Variants in CLU observed in about 807,000 individuals in gnomAD.
The protein encoded by CLU is clusterin, also known as aging-associated protein 4.
CLU carries 25 observed loss-of-function variants against 46.4 expected under a neutral mutation model. The ratio of observed to expected loss-of-function variants is 0.54; its 90% CI spans 0.39 to 0.75. CLU has a LOEUF of 0.75. CLU is among the 30% of genes least tolerant of loss of function. The pLI, the probability that CLU is intolerant of heterozygous loss-of-function variation, is 0.00. For synonymous variants in CLU, 235 were observed against 235.1 expected, an observed-to-expected ratio of 1.00 and a Z score of 0.00; for missense variants, 504 against 592.1, an observed-to-expected ratio of 0.85 and a Z score of 1.54.
Position 27,597,104 on chromosome 8 carries a change from T to C in CLU, c.*1137A>G. 2.2e-6 allele frequency: 1 copy of C among 454,110 alleles called. No individual in the cohort carries two copies. Among genetic ancestry groups the C allele is most frequent in the South Asian group, 1.6e-5 (1 of 64,472 alleles). 28.1% of individuals were successfully genotyped at this position (454,110 alleles called of 1,614,324 possible). On this transcript the variant is annotated 3_prime_UTR_variant, in exon 9 of 9. Transcript: ENST00000316403. Reference sequence around the variant, plus strand: ...ACTTACCTTGGACATAAGCTAAGCTTTAAGTTTGTTGTTTATAACTTCAAA... The same window carrying C: ...ACTTACCTTGGACATAAGCTAAGCTCTAAGTTTGTTGTTTATAACTTCAAA...
At position 27,605,217 on chromosome 8, in the gene CLU, T is replaced by C. The variant is rs759003544; in HGVS notation, c.536A>G (p.His179Arg). Residue 179 changes from histidine (H) to arginine (R), a missense_variant, in exon 5 of 9, where the codon CAC (histidine) becomes CGC (arginine). By Grantham distance (29) the His-to-Arg change is conservative. Coordinates refer to ENST00000316403, the MANE Select transcript of CLU (RefSeq NM_001831.4). ...TATGATGCTGGACGCGCGGCTGAAG[T>C]GGTCCTGCATGACATCCAGCATGTG... is the stretch of plus-strand genomic sequence containing the variant. ...QTHMLDVMQDHFSRASSIIDE... is the reference protein window; with the variant it reads ...QTHMLDVMQDRFSRASSIIDE... 11 of 1,614,176 alleles carry C rather than the reference T, an allele frequency of 6.8e-6. No homozygotes were observed. The highest frequency in any genetic ancestry group is 4.5e-5 in the East Asian group (2 of 44,884).
intron 6 of CLU, among the ~76,000 whole-genome samples, chr8:27,601,587 G>A (rs1019684424): frequency 2.0e-5 from 3 of 152,164 alleles, no homozygotes; most frequent in Non-Finnish European, 2.9e-5. Context: ...TAAAACTACT[G>A]TTTTTCTCCC....
At chr8:27,600,440 G>T (rs779406265) in intron 6 of CLU, among the ~76,000 whole-genome samples, 1 of 152,110 alleles carries the variant, frequency 6.6e-6, no homozygotes, top group African/African-American at 2.4e-5. Flanking sequence ...TCTCTGTGTT[G>T]TCCAGGCTGG....
chr8:27,597,419 T>C lies in CLU; in HGVS notation c.*822A>G, dbSNP rs758263781. On this transcript the variant is annotated 3_prime_UTR_variant, in exon 9 of 9. Coordinates refer to ENST00000316403, the MANE Select transcript of CLU (RefSeq NM_001831.4). ...TCCAGGGAAAGGTATGAAGATCATATAAACCGGCGGTGGACAGGAAATGCC... is the reference window on the plus strand; with the variant it reads ...TCCAGGGAAAGGTATGAAGATCATACAAACCGGCGGTGGACAGGAAATGCC... The C allele has an allele frequency of 1.1e-5, 5 of 454,342 alleles. No individual in the cohort carries two copies. The highest frequency in any genetic ancestry group is 4.7e-5 in the South Asian group (3 of 64,466). The allele number at this position is 454,342 out of a possible 1,614,324, so 28.1% of individuals were successfully genotyped here. A position where few individuals can be genotyped will look rare whatever the true frequency, so the allele number is the denominator to read the frequency against.
rs1177465526 is a variant in CLU at position 27,604,355 on chromosome 8, G to T, written c.870C>A (p.His290Gln). 1 of 1,614,108 alleles carries T rather than the reference G, an allele frequency of 6.2e-7. No individual in the cohort carries two copies. Among genetic ancestry groups the T allele is most frequent in the Non-Finnish European group, 8.5e-7 (1 of 1,180,052 alleles). ...DDRTVCREIRHNSTGCLRMKD... is the reference protein window; with the variant it reads ...DDRTVCREIRQNSTGCLRMKD... ...TCATCCGCAGGCAGCCCGTGGAGTTGTGGCGGATCTCCCGGCACACAGTCC... is the reference window on the plus strand; with the variant it reads ...TCATCCGCAGGCAGCCCGTGGAGTTTTGGCGGATCTCCCGGCACACAGTCC... Residue 290 changes from histidine (H) to glutamine (Q), a missense_variant, in exon 6 of 9, where the codon CAC becomes CAA. Coordinates refer to ENST00000316403, the MANE Select transcript of CLU (RefSeq NM_001831.4).
At chr8:27,601,709 A>G (rs1800724433) in intron 6 of CLU, among the ~76,000 whole-genome samples, 1 of 152,232 alleles carries the variant, frequency 6.6e-6, no homozygotes, top group Admixed American at 6.5e-5. Context: ...AGTAAACAAA[A>G]TGTTAGGTGG....
chr8:27,610,755 A>T (rs774220663), intron 1 of CLU, 155 bp from the exon 2 acceptor site: 7 of 639,180 alleles, frequency 1.1e-5, no homozygotes, highest in Non-Finnish European at 2.0e-5. Flanking sequence ...ATGGGGGGAA[A>T]TGACCAGACT....
intron 1 of CLU, chr8:27,611,483 C>G (rs1237485432): frequency 4.4e-6 from 2 of 456,512 alleles, no homozygotes; most frequent in Non-Finnish European, 8.8e-6. Flanking sequence ...GGCCATAGCC[C>G]CGGTCTTACA....
At chr8:27,604,478 AT>A in intron 5 of CLU, 83 bp from the exon 6 acceptor site, 1 of 1,137,552 alleles carries the variant, frequency 8.8e-7, no homozygotes, top group Non-Finnish European at 1.3e-6. Flanking sequence ...ATTTTTATTT[AT>A]TTTTTAATTT....
chr8:27,609,395 G>A (rs200412336), intron 2 of CLU, among the ~76,000 whole-genome samples: 8 of 148,818 alleles, frequency 5.4e-5, no homozygotes, highest in East Asian at 2.0e-4. Flanking sequence ...ACTTGGCAAG[G>A]AAAAAAAAAA....
At position 27,599,021 on chromosome 8, in the gene CLU, G is replaced by T. The variant is rs1211460903; in HGVS notation, c.1165-386C>A. 1 of 153,938 alleles carries T rather than the reference G, an allele frequency of 6.5e-6. No homozygotes were observed. The highest frequency in any genetic ancestry group is 6.5e-5 in the Admixed American group (1 of 15,430). The allele number at this position is 153,938 out of a possible 1,614,324, so 9.5% of individuals were successfully genotyped here. ...CCAGTACTAGAAATAAGTTTTATTT[G>T]ATTTTTTAACTTTATTTTATTATTT... On this transcript the variant is annotated intron_variant, in intron 7 of 8. Coordinates refer to ENST00000316403, the MANE Select transcript of CLU (RefSeq NM_001831.4). This position sits in a 1 kb window ranked among gnomAD's most constrained non-coding sequence, Gnocchi z 4.0.
At position 27,597,921 on chromosome 8, in the gene CLU, T is replaced by A; in HGVS notation, c.*320A>T. ...GTTTCTACTTATTTTCCATCCCCCC[T>A]GCCTGCCCCCCATAGCAAAATGAAG... On this transcript the variant is annotated 3_prime_UTR_variant, in exon 9 of 9. Transcript: ENST00000316403. 1.7e-6 allele frequency: 1 copy of A among 589,240 alleles called. No individual in the cohort carries two copies. Among genetic ancestry groups the A allele is most frequent in the Non-Finnish European group, 3.2e-6 (1 of 315,860 alleles). 36.5% of individuals were successfully genotyped at this position (589,240 alleles called of 1,614,324 possible).
rs1800788452 is a variant in CLU, at chr8:27,604,927, G to A, written c.826C>T (p.Arg276Ter). ...AFQHPPTEFI[R>*]EGDDDRTVCR... Reference sequence around the variant, plus strand: ...ATGAGCTTCCACCCCTTCTCACCTCGTATGAATTCTGTTGGCGGGTGCTGG... The same window carrying A: ...ATGAGCTTCCACCCCTTCTCACCTCATATGAATTCTGTTGGCGGGTGCTGG... The change falls in exon 5 of 9, where the codon CGA (arginine) becomes TGA (stop). Residue 276 changes from arginine (R) to a stop codon, truncating the protein, a stop_gained. Transcript: ENST00000316403. LOFTEE classifies it high-confidence loss of function. 7 of 1,613,994 alleles carry A rather than the reference G, an allele frequency of 4.3e-6. No individual in the cohort carries two copies. The highest frequency in any genetic ancestry group is 4.5e-5 in the East Asian group (2 of 44,894).
At chr8:27,602,545 G>A (rs1800739746) in intron 6 of CLU, among the ~76,000 whole-genome samples, 1 of 151,218 alleles carries the variant, frequency 6.6e-6, no homozygotes, top group African/African-American at 2.4e-5. Flanking sequence ...AGGCTGCAGT[G>A]AGCTGTAATG....
At chr8:27,607,800 C>T (rs554061547) in intron 3 of CLU, among the ~76,000 whole-genome samples, 1 of 151,850 alleles carries the variant, frequency 6.6e-6, no homozygotes, top group African/African-American at 2.4e-5. Flanking sequence ...GGTCTTTGTC[C>T]TGCTCCATCA....
chr8:27,612,128 C>A (rs1585257710), intron 1 of CLU, among the ~76,000 whole-genome samples: 1 of 152,150 alleles, frequency 6.6e-6, no homozygotes. Context: ...CCCTGGTGAA[C>A]CATCCAGCTC....
intron 8 of CLU, 99 bp from the exon 9 acceptor site, chr8:27,598,349 CG>C: frequency 6.3e-7 from 1 of 1,593,164 alleles, no homozygotes; most frequent in Non-Finnish European, 8.6e-7. Context: ...GCTCTGGCTC[CG>C]GGCGGAGTCG....
chr8:27,610,089 C>T (rs73229102), intron 2 of CLU, among the ~76,000 whole-genome samples: 1 of 152,208 alleles, frequency 6.6e-6, no homozygotes, highest in Non-Finnish European at 1.5e-5. Flanking sequence ...CCTGCAGAAA[C>T]CGTCAGCTCA....
rs370655263 is a variant in CLU at position 27,598,192 on chromosome 8, G to A, written c.*49C>T. 25 of 1,605,042 alleles carry A rather than the reference G, an allele frequency of 1.6e-5. No individual in the cohort carries two copies. The highest frequency in any genetic ancestry group is 1.7e-5 in the Non-Finnish European group (20 of 1,172,488). ...CTGGGGGGCTGCAGCTCATCTTGGG[G>A]GGAGCTGGACTCAGATGCCCCCGTA... On this transcript the variant is annotated 3_prime_UTR_variant, in exon 9 of 9. Transcript: ENST00000316403.
Sources: gnomAD v4.1 joint callset for allele counts (sites outside exome capture counted in the v4.1 genomes callset) on GRCh38, gnomAD v4.1.1 for gene constraint, Gnocchi (gnomAD v3.1) non-coding constraint, MANE v1.5 for transcripts, NCBI Gene and HGNC (gene_info 2026-07-23, HGNC 2026-07-21) for gene names.